Variants in NBPF14 observed in about 807,000 individuals in gnomAD.
NBPF14 encodes the protein NBPF family member NBPF14.
NBPF14 carries 104 observed loss-of-function variants against 91.2 expected under a neutral mutation model. The observed-to-expected ratio is 1.14, with a 90% CI of 0.97 to 1.34. NBPF14 has a LOEUF of 1.34. Ranked by LOEUF, NBPF14 falls within the 40% of genes most tolerant of loss-of-function variation. The probability of loss-of-function intolerance (pLI) is 0.00; values close to 1 mark genes in which losing one functional copy is unlikely to be tolerated. For synonymous variants in NBPF14, 294 were observed against 303.8 expected, an observed-to-expected ratio of 0.97 and a Z score of 0.34; for missense variants, 908 against 783.0, an observed-to-expected ratio of 1.16 and a Z score of -1.91.
chr1:148,579,985 G>C (rs1174271000), intron 12 of NBPF14, among the ~76,000 whole-genome samples: 1 of 151,956 alleles, frequency 6.6e-6, no homozygotes, highest in Non-Finnish European at 1.5e-5. Flanking sequence ...AACCACAAAG[G>C]TGGGGAGAAA....
chr1:148,587,438 G>A (rs1661728690), intron 7 of NBPF14, 35 bp from the exon 8 acceptor site: 3 of 1,549,302 alleles, frequency 1.9e-6, no homozygotes, highest in Non-Finnish European at 2.6e-6. Flanking sequence ...CTCAGTGGAA[G>A]GCTGGACATG....
intron 12 of NBPF14, among the ~76,000 whole-genome samples, chr1:148,579,870 G>A (rs1379977075): frequency 2.0e-5 from 3 of 152,194 alleles, no homozygotes; most frequent in Non-Finnish European, 4.4e-5. Context: ...ACTGTTACAA[G>A]GAAAACTAAC....
At chr1:148,559,504 C>T (rs1428040147) in intron 37 of NBPF14, among the ~76,000 whole-genome samples, 1 of 125,226 alleles carries the variant, frequency 8.0e-6, no homozygotes, top group Admixed American at 7.9e-5. Context: ...AAAATTGAGA[C>T]AAAATCAGAG....
intron 28 of NBPF14, among the ~76,000 whole-genome samples, 199 bp from the exon 29 acceptor site, chr1:148,566,514 C>T (rs1395534358): frequency 0.011 from 1,378 of 123,482 alleles, 62 homozygotes; most frequent in African/African-American, 0.037. Flanking sequence ...GACAGACACA[C>T]ACACACACAC....
chr1:148,581,512 AG>A lies in NBPF14; in HGVS notation c.1637+1628del, dbSNP rs1348155024. On this transcript the variant is annotated intron_variant, in intron 12 of 70. Coordinates refer to ENST00000619423, the Ensembl canonical transcript of NBPF14. ...GTTCCTATTTCTCCACATCCTCTCCAGCACCTTCAACATTCTGAAAGAAAAG... is the reference window on the plus strand; with the variant it reads ...GTTCCTATTTCTCCACATCCTCTCCACACCTTCAACATTCTGAAAGAAAAG... Among the ~76,000 whole-genome samples the A allele has an allele frequency of 3.3e-5, 5 of 151,858 alleles. No individual in the cohort carries two copies. The East Asian group carries it at 5.8e-4, about 18-fold the overall frequency.
At chr1:148,566,626 G>C (rs1658467387) in intron 28 of NBPF14, among the ~76,000 whole-genome samples, 1 of 140,404 alleles carries the variant, frequency 7.1e-6, no homozygotes, top group Non-Finnish European at 1.6e-5. Context: ...CTCTGAGTTA[G>C]TGCCCTCAGG....
intron 64 of NBPF14, among the ~76,000 whole-genome samples, chr1:148,538,235 C>G (rs1373244785): frequency 1.4e-5 from 1 of 73,680 alleles, no homozygotes; most frequent in Non-Finnish European, 2.7e-5. Flanking sequence ...CACACACACA[C>G]ACACACACAC....
rs1274321229 is a variant in NBPF14 at position 148,577,378 on chromosome 1, A to G, written c.1854-23T>C. On this transcript the variant is annotated intron_variant, in intron 14 of 70. Transcript: ENST00000619423. ...AGCCTGGAAAAGTGGGAAAAAGTAA[A>G]GAATAAGCCAGGGGGAATCAGAAAC... The G allele has an allele frequency of 6.5e-5, 41 of 628,120 alleles. No homozygotes were observed. In the Admixed American group the frequency reaches 6.6e-4, roughly 10 times the overall value. The allele number at this position is 628,120 out of a possible 1,614,324, so 38.9% of individuals were successfully genotyped here.
chr1:148,576,023 G>A (rs1659641789), intron 16 of NBPF14, among the ~76,000 whole-genome samples: 1 of 147,852 alleles, frequency 6.8e-6, no homozygotes, highest in Admixed American at 6.7e-5. Context: ...GAGAGAGAGA[G>A]AGAGGAGAAA....
chr1:148,577,383 A>T lies in NBPF14; in HGVS notation c.1854-28T>A, dbSNP rs1443109728. The T allele has an allele frequency of 8.0e-5, 51 of 638,278 alleles. 3 individuals carry two copies. The highest frequency in any genetic ancestry group is 7.5e-4 in the African/African-American group (38 of 50,900). 39.5% of individuals were successfully genotyped at this position (638,278 alleles called of 1,614,324 possible). A position where few individuals can be genotyped will look rare whatever the true frequency, so the allele number is the denominator to read the frequency against. ...GGAAAAGTGGGAAAAAGTAAAGAAT[A>T]AGCCAGGGGGAATCAGAAACCACAC... On this transcript the variant is annotated intron_variant, in intron 14 of 70. Transcript: ENST00000619423.
chr1:148,559,912 A>C, exon 37 of NBPF14: 1 of 1,304,936 alleles, frequency 7.7e-7, no homozygotes, highest in South Asian at 1.3e-5. Flanking sequence ...ACATCTATCC[A>C]GTGAGTCCTG....
intron 12 of NBPF14, among the ~76,000 whole-genome samples, chr1:148,579,921 C>G (rs1388130914): frequency 2.1e-3 from 322 of 152,172 alleles, no homozygotes; most frequent in African/African-American, 7.4e-3. Flanking sequence ...AAAAAGACAT[C>G]CACCCCAAAA....
At chr1:148,566,346 C>A (rs1289675143) in intron 28 of NBPF14, 31 bp from the exon 29 acceptor site, 4 of 756,876 alleles carry the variant, frequency 5.3e-6, no homozygotes, top group East Asian at 2.8e-5. Flanking sequence ...AAAGAATAAG[C>A]CAGGGGAAAT....
Position 148,566,134 on chromosome 1 carries a change from G to T in NBPF14, c.3715+9C>A. 4.1e-6 allele frequency: 2 copies of T among 486,788 alleles called. 1 individual carries two copies. Among genetic ancestry groups the T allele is most frequent in the Admixed American group, 7.6e-5 (2 of 26,328 alleles). The allele number at this position is 486,788 out of a possible 1,614,324, so 30.2% of individuals were successfully genotyped here. On this transcript the variant is annotated intron_variant, in intron 29 of 70. Coordinates refer to ENST00000619423, the Ensembl canonical transcript of NBPF14. ...TGGATCCTTATCACCTTCATAGAAAGGTACTCACCTCCCACGTCAAGAGAA... is the reference window on the plus strand; with the variant it reads ...TGGATCCTTATCACCTTCATAGAAATGTACTCACCTCCCACGTCAAGAGAA...
intron 14 of NBPF14, among the ~76,000 whole-genome samples, chr1:148,577,564 AC>A (rs1660091620): frequency 1.3e-5 from 2 of 150,824 alleles, no homozygotes; most frequent in Non-Finnish European, 2.9e-5. Context: ...ACACACACAC[AC>A]ACACACACAC....
chr1:148,534,245 A>C (rs1158694362), intron 69 of NBPF14, among the ~76,000 whole-genome samples: 1 of 151,446 alleles, frequency 6.6e-6, no homozygotes, highest in African/African-American at 2.4e-5. Context: ...TATTTTTCCA[A>C]TCAACGTAAA....
rs1657720028 is a variant in NBPF14, at chr1:148,561,574, C to G, written c.4280G>C (p.Ser1427Thr). The change falls in exon 35 of 71, where the codon AGC becomes ACC. Residue 1427 changes from serine to threonine, a missense_variant. Coordinates refer to ENST00000619423, the Ensembl canonical transcript of NBPF14. The stretch of plus-strand genomic sequence containing the variant: ...CTCTACTACCTCCAGCAGCTCCCTG[C>G]TGAGCCTGGAAAAGGAGGAAAAAGT... 2.0e-5 allele frequency: 7 copies of G among 356,538 alleles called. 1 individual carries two copies. In the South Asian group the frequency reaches 2.0e-4, roughly 10 times the overall value. 22.1% of individuals were successfully genotyped at this position (356,538 alleles called of 1,614,324 possible).
intron 59 of NBPF14, 122 bp from the exon 60 acceptor site, chr1:148,541,961 G>A (rs1655592081): frequency 1.9e-5 from 1 of 52,606 alleles, no homozygotes; most frequent in Non-Finnish European, 2.7e-5. Context: ...GACACTGTGA[G>A]AGATATATTT....
rs1474040477 is a variant in NBPF14 at position 148,534,536 on chromosome 1, T to C, written c.8614+148A>G. On this transcript the variant is annotated intron_variant, in intron 69 of 70. Coordinates refer to ENST00000619423, the Ensembl canonical transcript of NBPF14. ...TCATGTCTAGGCTTCCAGCTGAGAC[T>C]ACAGTTTCATTACAACCTATATGCG... 4.2e-6 allele frequency: 3 copies of C among 710,544 alleles called. No homozygotes were observed. The African/African-American group carries it at 5.3e-5, about 12-fold the overall frequency. The allele number at this position is 710,544 out of a possible 1,614,324, so 44.0% of individuals were successfully genotyped here. A position where few individuals can be genotyped will look rare whatever the true frequency, so the allele number is the denominator to read the frequency against.
Sources: allele counts gnomAD v4.1 joint callset (sites outside exome capture counted in the v4.1 genomes callset), GRCh38; gene constraint gnomAD v4.1.1; transcripts MANE v1.5; gene names NCBI Gene and HGNC (gene_info 2026-07-23, HGNC 2026-07-21).